KANK4: variants seen among roughly 807,000 people sequenced by gnomAD.
KANK4 encodes the protein KN motif and ankyrin repeat domains 4.
Under a neutral mutation model 80.8 loss-of-function variants are expected in KANK4, and 50 were observed. The ratio of observed to expected loss-of-function variants is 0.62; its 90% CI spans 0.49 to 0.78. The LOEUF (loss-of-function observed/expected upper bound fraction) is 0.78. KANK4 is among the 30% of genes least tolerant of loss of function. The probability of loss-of-function intolerance (pLI) is 0.00; values close to 1 mark genes in which losing one functional copy is unlikely to be tolerated. For synonymous variants in KANK4, 465 were observed against 506.9 expected (o/e 0.92, Z 1.11); for missense variants, 1,196 against 1,240.1 (o/e 0.96, Z 0.53).
chr1:62,249,000 TAAAAA>T (rs374742301), intron 8 of KANK4, among the ~76,000 whole-genome samples: 1 of 137,610 alleles, frequency 7.3e-6, no homozygotes, highest in Non-Finnish European at 1.6e-5. Context: ...CTGTCTCTAC[TAAAAA>T]AAAAAAAAAA....
chr1:62,280,368 G>A (rs1411497410), intron 2 of KANK4, among the ~76,000 whole-genome samples: 1 of 152,284 alleles, frequency 6.6e-6, no homozygotes, highest in African/African-American at 2.4e-5. Flanking sequence ...AGGCAGCTGG[G>A]CTAACAGGCC....
At chr1:62,243,470 C>G (rs1671393608) in intron 9 of KANK4, among the ~76,000 whole-genome samples, 1 of 152,008 alleles carries the variant, frequency 6.6e-6, no homozygotes, top group South Asian at 2.1e-4. Context: ...TCCTGAGTAG[C>G]TGGGATTGCA....
At chr1:62,272,724 C>G (rs1207591501) in intron 3 of KANK4, 1 of 152,244 alleles carries the variant, frequency 6.6e-6, no homozygotes, top group African/African-American at 2.4e-5. Flanking sequence ...GTAGAGGTCC[C>G]GAGCCTCCAC....
chr1:62,317,195 A>T (rs1052187324), intron 1 of KANK4, among the ~76,000 whole-genome samples: 2 of 152,134 alleles, frequency 1.3e-5, no homozygotes, highest in African/African-American at 4.8e-5. Context: ...CATGTATGCC[A>T]CCCTAAGGAA....
chr1:62,256,416 A>C, intron 7 of KANK4, among the ~76,000 whole-genome samples: 1 of 143,654 alleles, frequency 7.0e-6, no homozygotes. Context: ...ATGGAGTTTC[A>C]CTCTTGTTGC....
rs1234445102 is a variant in KANK4, at chr1:62,267,047, C to CA, written c.2232-229_2232-228insT. Among the ~76,000 whole-genome samples, 4 of 152,072 alleles carry CA rather than the reference C, an allele frequency of 2.6e-5. No individual in the cohort carries two copies. The East Asian group carries it at 7.8e-4, about 29-fold the overall frequency. ...GAGCCGAGTGTGTTGCCCATTTAAT[C>CA]CTGCTTTTGTCAGGGGCTGGGGCCA... is the stretch of plus-strand genomic sequence containing the variant. On this transcript the variant is annotated intron_variant, in intron 5 of 9. Coordinates refer to ENST00000371153, the MANE Select transcript of KANK4 (RefSeq NM_181712.5).
intron 5 of KANK4, among the ~76,000 whole-genome samples, chr1:62,267,825 A>C (rs1672061426): frequency 6.6e-6 from 1 of 150,382 alleles, no homozygotes; most frequent in Admixed American, 6.6e-5. Flanking sequence ...AAGACACATC[A>C]CTTTAAAAGC....
rs1671211153 is a variant in KANK4 at position 62,236,794 on chromosome 1, C to G, written c.*1483G>C. On this transcript the variant is annotated 3_prime_UTR_variant, in exon 10 of 10. Transcript: ENST00000371153. ...TATTTTTGGTAGAGACGGGGTTTCT[C>G]CATGTATGTCAGGCTGGTCTCAAAC... 6.6e-6 allele frequency among the ~76,000 whole-genome samples: 1 copy of G among 151,942 alleles called. No homozygotes were observed. Among genetic ancestry groups the G allele is most frequent in the African/African-American group, 2.4e-5 (1 of 41,350 alleles).
chr1:62,244,583 G>A (rs1008010497), intron 9 of KANK4, among the ~76,000 whole-genome samples: 1 of 152,134 alleles, frequency 6.6e-6, no homozygotes, highest in African/African-American at 2.4e-5. Flanking sequence ...CTCTTTGCTT[G>A]CTGCTATCCA....
intron 7 of KANK4, among the ~76,000 whole-genome samples, chr1:62,255,730 G>C (rs889776960): frequency 1.3e-5 from 2 of 152,046 alleles, no homozygotes; most frequent in African/African-American, 4.8e-5. Context: ...CTCACTATAA[G>C]CTCTGCCTCC....
rs757791062 is a variant in KANK4 at position 62,274,632 on chromosome 1, G to A, written c.472C>T (p.Gln158Ter). 1 of 1,614,160 alleles carries A rather than the reference G, an allele frequency of 6.2e-7. No individual in the cohort carries two copies. The highest frequency in any genetic ancestry group is 1.1e-5 in the South Asian group (1 of 91,080). Residue 158 changes from glutamine (Q) to a stop codon, truncating the protein, a stop_gained, in exon 3 of 10, where the codon CAG becomes TAG. Transcript: ENST00000371153. LOFTEE classifies it high-confidence loss of function. ...GGCATGCTGGATGCTCTCAAGAGCT[G>A]GGGCCGTCCACTCCCAAAAGTGAGC... is the stretch of plus-strand genomic sequence containing the variant. Reference protein sequence around the residue: ...AELTFGSGRPQLLRASSMPAT... With the variant: ...AELTFGSGRP
chr1:62,297,802 A>G (rs890213572), intron 1 of KANK4, among the ~76,000 whole-genome samples: 21 of 152,222 alleles, frequency 1.4e-4, no homozygotes, highest in African/African-American at 3.9e-4. Flanking sequence ...AATCTTTGAA[A>G]GTTCCAAGGA....
chr1:62,282,183 T>C (rs995160753), intron 1 of KANK4, among the ~76,000 whole-genome samples: 1 of 152,172 alleles, frequency 6.6e-6, no homozygotes, highest in Non-Finnish European at 1.5e-5. Context: ...TTTCTAACCA[T>C]GGGCAGAACA....
intron 1 of KANK4, among the ~76,000 whole-genome samples, chr1:62,310,625 G>A (rs34796779): frequency 0.19 from 29,077 of 152,160 alleles, 3,403 homozygotes; most frequent in Middle Eastern, 0.37. Context: ...CTATACAGAG[G>A]GACAGCCATG....
chr1:62,315,687 C>T (rs559280208), intron 1 of KANK4, among the ~76,000 whole-genome samples: 1 of 152,300 alleles, frequency 6.6e-6, no homozygotes, highest in East Asian at 1.9e-4. Context: ...TAGGTGGAGG[C>T]TGCAGTGAGC....
chr1:62,291,751 G>A (rs1422928298), intron 1 of KANK4, among the ~76,000 whole-genome samples: 2 of 152,156 alleles, frequency 1.3e-5, no homozygotes, highest in Non-Finnish European at 2.9e-5. Flanking sequence ...GGGATTACAG[G>A]TGTGCACCAC....
chr1:62,269,239 T>G (rs1163877486), intron 4 of KANK4, among the ~76,000 whole-genome samples: 1 of 152,244 alleles, frequency 6.6e-6, no homozygotes, highest in African/African-American at 2.4e-5. Context: ...AGGAAAGTCC[T>G]GGAAGATTTA....
chr1:62,242,598 A>G (rs890392428), intron 9 of KANK4, among the ~76,000 whole-genome samples: 1 of 152,086 alleles, frequency 6.6e-6, no homozygotes, highest in African/African-American at 2.4e-5. Flanking sequence ...GACCCAGAAG[A>G]GGCTGGGTGG....
chr1:62,313,762 A>AC (rs1644516771), intron 1 of KANK4, among the ~76,000 whole-genome samples: 1 of 152,008 alleles, frequency 6.6e-6, no homozygotes, highest in African/African-American at 2.4e-5. Context: ...GGGGCTTAAA[A>AC]CCTAGATGAC....
Sources: allele counts gnomAD v4.1 joint callset (sites outside exome capture counted in the v4.1 genomes callset), GRCh38; gene constraint gnomAD v4.1.1; transcripts MANE v1.5; gene names NCBI Gene and HGNC (gene_info 2026-07-23, HGNC 2026-07-21).